Variants in P3H2 observed in about 807,000 individuals in gnomAD.
P3H2 encodes the protein prolyl 3-hydroxylase 2, also known as leprecan-like 1.
Under a neutral mutation model 87.0 loss-of-function variants are expected in P3H2, and 80 were observed. That is an observed-to-expected ratio of 0.92 (90% CI 0.77 to 1.11). The LOEUF is 1.11. Among genes scored for constraint, P3H2 ranks in the 50% least tolerant of loss-of-function variants. The pLI, the probability that P3H2 is intolerant of heterozygous loss-of-function variation, is 0.00. For missense variants in P3H2, 1,001 were observed against 923.9 expected (o/e 1.08, Z -1.08); for synonymous variants, 367 against 359.3 (o/e 1.02, Z -0.24).
At chr3:189,986,728 A>G in intron 6 of P3H2, 60 bp downstream of exon 6, 1 of 1,248,546 alleles carries the variant, frequency 8.0e-7, no homozygotes, top group East Asian at 2.3e-5. Context: ...CAGGTAATAA[A>G]AACATAAAAA....
In P3H2 at chr3:189,986,663, C is replaced by A. The variant is rs1319882771; in HGVS notation, c.1188+125G>T. On this transcript the variant is annotated intron_variant, in intron 6 of 14. Transcript: ENST00000319332. Reference sequence around the variant, plus strand: ...AAATATCTCCCACCCCCAATTTTTACCTCAAGGAGGGCATCGAAATCTTAG... The same window carrying A: ...AAATATCTCCCACCCCCAATTTTTAACTCAAGGAGGGCATCGAAATCTTAG... 5 of 727,050 alleles carry A rather than the reference C, an allele frequency of 6.9e-6. No homozygotes were observed. The East Asian group carries it at 1.2e-4, about 18-fold the overall frequency. The allele number at this position is 727,050 out of a possible 1,614,324, so 45.0% of individuals were successfully genotyped here. A position where few individuals can be genotyped will look rare whatever the true frequency, so the allele number is the denominator to read the frequency against.
intron 1 of P3H2, among the ~76,000 whole-genome samples, chr3:190,056,111 T>C (rs972797631): frequency 6.6e-6 from 1 of 152,164 alleles, no homozygotes; most frequent in African/African-American, 2.4e-5. Flanking sequence ...TCTCTCTGCC[T>C]CTCACATGGA....
intron 1 of P3H2, among the ~76,000 whole-genome samples, chr3:190,061,446 G>A (rs975924553): frequency 6.6e-6 from 1 of 151,990 alleles, no homozygotes; most frequent in African/African-American, 2.4e-5. Flanking sequence ...ATGGCTCAAG[G>A]AAGGGTCCAG....
rs1185016746 is a variant in P3H2 at position 189,984,536 on chromosome 3, C to A, written c.1229+14G>T. On this transcript the variant is annotated intron_variant, in intron 7 of 14. Transcript: ENST00000319332. Reference sequence around the variant, plus strand: ...TCCTCATAAAAAACCAGTTTGCATTCTGAATGGACTTACCGATTCTCATCC... The same window carrying A: ...TCCTCATAAAAAACCAGTTTGCATTATGAATGGACTTACCGATTCTCATCC... The A allele has an allele frequency of 6.2e-7, 1 of 1,606,504 alleles. No homozygotes were observed. The highest frequency in any genetic ancestry group is 2.2e-5 in the East Asian group (1 of 44,784).
At chr3:190,026,602 C>A (rs1192869253) in intron 1 of P3H2, among the ~76,000 whole-genome samples, 1 of 152,196 alleles carries the variant, frequency 6.6e-6, no homozygotes, top group African/African-American at 2.4e-5. Flanking sequence ...CCTTGTTTAG[C>A]ATATCATCAA....
intron 1 of P3H2, among the ~76,000 whole-genome samples, chr3:190,066,842 T>C (rs1726525363): frequency 6.6e-6 from 1 of 152,086 alleles, no homozygotes; most frequent in Non-Finnish European, 1.5e-5. Context: ...GCCCCTCATC[T>C]GTGCTTTTGC....
chr3:190,057,178 A>G (rs538781253), intron 1 of P3H2, among the ~76,000 whole-genome samples: 181 of 152,316 alleles, frequency 1.2e-3, no homozygotes, highest in Non-Finnish European at 2.3e-3. Context: ...TTCTTTTTAC[A>G]TAATGATGGA....
intron 1 of P3H2, among the ~76,000 whole-genome samples, chr3:190,061,120 C>T (rs1294740400): frequency 6.6e-6 from 1 of 152,102 alleles, no homozygotes; most frequent in Non-Finnish European, 1.5e-5. Context: ...GAGGAATATA[C>T]AAAGTAAGAT....
intron 13 of P3H2, chr3:189,969,196 C>T (rs762585318): frequency 8.4e-6 from 6 of 710,492 alleles, no homozygotes; most frequent in Non-Finnish European, 1.6e-5. Flanking sequence ...GTGCTCCTTC[C>T]AGCAGTCATA....
intron 1 of P3H2, among the ~76,000 whole-genome samples, chr3:190,080,098 A>C (rs1353295437): frequency 6.6e-6 from 1 of 152,244 alleles, no homozygotes; most frequent in Non-Finnish European, 1.5e-5. Flanking sequence ...ATGGGTAAGG[A>C]AAGTAACCGT....
intron 1 of P3H2, among the ~76,000 whole-genome samples, chr3:190,111,269 T>C (rs1186871190): frequency 6.0e-5 from 9 of 150,896 alleles, no homozygotes; most frequent in Admixed American, 2.6e-4. Context: ...ATGCTGTGTG[T>C]TTCATTTTAA....
intron 1 of P3H2, among the ~76,000 whole-genome samples, chr3:190,056,799 C>T (rs1441092309): frequency 6.6e-6 from 1 of 152,184 alleles, no homozygotes; most frequent in Non-Finnish European, 1.5e-5. Flanking sequence ...ATTAGAAAAG[C>T]ACACGCAGCT....
chr3:189,991,513 C>A (rs955327127), intron 3 of P3H2, among the ~76,000 whole-genome samples: 1 of 152,126 alleles, frequency 6.6e-6, no homozygotes, highest in Non-Finnish European at 1.5e-5. Context: ...ATTAATCAAC[C>A]CATTCATTTA....
At chr3:189,987,033 C>T (rs1404305758) in intron 5 of P3H2, among the ~76,000 whole-genome samples, 156 bp from the exon 6 acceptor site, 2 of 152,214 alleles carry the variant, frequency 1.3e-5, no homozygotes, top group African/African-American at 2.4e-5. Context: ...CATACTTTCA[C>T]ACGCTAGCAT....
At chr3:190,114,429 G>A (rs1306696019) in intron 1 of P3H2, among the ~76,000 whole-genome samples, 7 of 151,840 alleles carry the variant, frequency 4.6e-5, no homozygotes, top group Admixed American at 6.6e-5. Context: ...CTCGTGATAC[G>A]CCCACCTCGG....
chr3:189,986,404 G>T (rs1723698425), intron 6 of P3H2, among the ~76,000 whole-genome samples: 1 of 152,050 alleles, frequency 6.6e-6, no homozygotes, highest in Non-Finnish European at 1.5e-5. Flanking sequence ...GACCAACATG[G>T]TGAAACCCCA....
chr3:190,025,086 G>C (rs566791344), intron 1 of P3H2, among the ~76,000 whole-genome samples: 1 of 152,184 alleles, frequency 6.6e-6, no homozygotes, highest in Non-Finnish European at 1.5e-5. Context: ...TCTTAAAATA[G>C]ACCTATGAAT....
At chr3:190,087,781 A>C (rs1374664877) in intron 1 of P3H2, among the ~76,000 whole-genome samples, 1 of 152,160 alleles carries the variant, frequency 6.6e-6, no homozygotes, top group East Asian at 1.9e-4. Flanking sequence ...GGGAAAAAGT[A>C]AGCAAAAGTG....
chr3:190,044,956 G>C (rs1267265344), intron 1 of P3H2, among the ~76,000 whole-genome samples: 1 of 152,164 alleles, frequency 6.6e-6, no homozygotes, highest in Non-Finnish European at 1.5e-5. Flanking sequence ...TGGATGGTAG[G>C]ATACAGTAAT....
Sources: gnomAD v4.1 joint callset for allele counts (sites outside exome capture counted in the v4.1 genomes callset) on GRCh38, gnomAD v4.1.1 for gene constraint, MANE v1.5 for transcripts, NCBI Gene and HGNC (gene_info 2026-07-23, HGNC 2026-07-21) for gene names.